The following MMP28 variants were observed in gnomAD, a reference collection of about 807,000 sequenced individuals.
MMP28 encodes the protein matrix metallopeptidase 28.
MMP28 carries 55 observed loss-of-function variants against 60.5 expected under a neutral mutation model. That is an observed-to-expected ratio of 0.91 (90% CI 0.73 to 1.14). The LOEUF (loss-of-function observed/expected upper bound fraction) is 1.14, where lower values mean the gene tolerates loss of function less well. MMP28 is among the 50% of genes most tolerant of loss of function. The pLI is 0.00. For missense variants in MMP28, 686 were observed against 738.3 expected (o/e 0.93, Z 0.82); for synonymous variants, 318 against 312.5 (o/e 1.02, Z -0.18).
chr17:35,761,064 A>T, downstream of MMP28: 1 of 1,174,600 alleles, frequency 8.5e-7, no homozygotes, highest in East Asian at 2.7e-5. Context: ...TTACCCATCC[A>T]TGTAGCTGCA....
At chr17:35,785,669 G>A (rs1040446101) in intron 1 of MMP28, among the ~76,000 whole-genome samples, 4 of 152,158 alleles carry the variant, frequency 2.6e-5, no homozygotes, top group East Asian at 1.9e-4. Flanking sequence ...GCATGGTCTC[G>A]ATCTCTTGAC....
chr17:35,775,223 G>T (rs1349215793), intron 3 of MMP28, among the ~76,000 whole-genome samples: 1 of 152,212 alleles, frequency 6.6e-6, no homozygotes, highest in East Asian at 1.9e-4. Flanking sequence ...GAGGACCAGG[G>T]GAGGGGGTGT....
Position 35,781,979 on chromosome 17 carries a change from C to G in MMP28, c.112-2656G>C, listed in dbSNP as rs561574341. ...CTCAAACTCCTGGACTCAGGTGACC[C>G]TCCTATAGCCTCTTGAATAGCTAGG... is the stretch of plus-strand genomic sequence containing the variant. On this transcript the variant is annotated intron_variant, in intron 1 of 7. Coordinates refer to ENST00000605424, the MANE Select transcript of MMP28 (RefSeq NM_024302.5). 3.9e-5 allele frequency among the ~76,000 whole-genome samples: 6 copies of G among 152,066 alleles called. No homozygotes were observed. In the East Asian group the frequency reaches 1.2e-3, roughly 29 times the overall value.
rs1555606417 is a variant in MMP28, at chr17:35,773,259, G to C, written c.525C>G (p.Ala175=). Reference sequence around the variant, plus strand: ...TGAGCCGGATGTCAGCGGGGCCTGTGGCTGGGGCCTCCCAGAACTCCAGCG... The same window carrying C: ...TGAGCCGGATGTCAGCGGGGCCTGTCGCTGGGGCCTCCCAGAACTCCAGCG... The part of the protein sequence containing the change: ...VSALEFWEAP[A]TGPADIRLTF... Residue 175 remains alanine, a synonymous_variant, in exon 4 of 8, where the codon GCC becomes GCG. Coordinates refer to ENST00000605424, the MANE Select transcript of MMP28 (RefSeq NM_024302.5). The C allele has an allele frequency of 6.2e-7, 1 of 1,614,040 alleles. No individual in the cohort carries two copies. Among genetic ancestry groups the C allele is most frequent in the Admixed American group, 1.7e-5 (1 of 60,030 alleles).
chr17:35,770,447 C>A (rs1555605213), intron 4 of MMP28, 135 bp from the exon 5 acceptor site: 15 of 1,200,020 alleles, frequency 1.2e-5, no homozygotes, highest in Non-Finnish European at 1.7e-5. Context: ...TCTGGCAGAA[C>A]CTGAAGTGTG....
At position 35,780,655 on chromosome 17, in the gene MMP28, C is replaced by T. The variant is rs958322458; in HGVS notation, c.112-1332G>A. On this transcript the variant is annotated intron_variant, in intron 1 of 7. Transcript: ENST00000605424. ...TTCGAGACCAGCCTGGCCAACATGG[C>T]GAAACCTCATCTCTACTAAAAACAC... 7.2e-5 allele frequency among the ~76,000 whole-genome samples: 11 copies of T among 151,760 alleles called. No homozygotes were observed. The East Asian group carries it at 1.2e-3, about 16-fold the overall frequency.
chr17:35,765,767 C>G (rs1312306210), downstream of MMP28: 4 of 834,442 alleles, frequency 4.8e-6, no homozygotes, highest in Admixed American at 2.5e-4. Context: ...GCTGCCTAGC[C>G]CTGGCTTGGA....
chr17:35,781,020 G>A (rs2143467565), intron 1 of MMP28, among the ~76,000 whole-genome samples: 1 of 152,294 alleles, frequency 6.6e-6, no homozygotes, highest in South Asian at 2.1e-4. Context: ...ATGCAATGAG[G>A]TGGGAAAGGG....
intron 1 of MMP28, among the ~76,000 whole-genome samples, chr17:35,784,762 G>T (rs758076213): frequency 1.3e-5 from 2 of 152,132 alleles, no homozygotes; most frequent in Non-Finnish European, 2.9e-5. Context: ...CTGGGGGCTT[G>T]TTCAATGGTT....
intron 6 of MMP28, 78 bp from the exon 7 acceptor site, chr17:35,767,997 G>T: frequency 6.7e-7 from 1 of 1,481,770 alleles, no homozygotes; most frequent in Non-Finnish European, 9.1e-7. Context: ...TGTCCTGGAA[G>T]CCAGTTTCCC....
chr17:35,786,580 A>G (rs1180342806), intron 1 of MMP28, among the ~76,000 whole-genome samples: 1 of 152,002 alleles, frequency 6.6e-6, no homozygotes, highest in Non-Finnish European at 1.5e-5. Context: ...GTCAAGATGC[A>G]AAGGATGGCA....
rs990973592 is a variant in MMP28, at chr17:35,795,408, G to T, written c.-31C>A. 7.3e-7 allele frequency: 1 copy of T among 1,373,074 alleles called. No homozygotes were observed. Among genetic ancestry groups the T allele is most frequent in the Non-Finnish European group, 9.4e-7 (1 of 1,065,206 alleles). The allele number at this position is 1,373,074 out of a possible 1,614,324, so 85.1% of individuals were successfully genotyped here. A position where few individuals can be genotyped will look rare whatever the true frequency, so the allele number is the denominator to read the frequency against. On this transcript the variant is annotated 5_prime_UTR_variant, in exon 1 of 8. Transcript: ENST00000605424. ...CGCCTCCGGTGCAGCCCGGCTCGGGGAGCTACTGCGCGCAGGGAACCAGCC... is the reference window on the plus strand; with the variant it reads ...CGCCTCCGGTGCAGCCCGGCTCGGGTAGCTACTGCGCGCAGGGAACCAGCC...
At chr17:35,761,140 A>G (rs1194456614), downstream of MMP28, among the ~76,000 whole-genome samples, 11 of 128,192 alleles carry the variant, frequency 8.6e-5, no homozygotes, top group Admixed American at 8.1e-4. Context: ...GTCTTGCTCT[A>G]TCACCCAGAC....
intron 1 of MMP28, among the ~76,000 whole-genome samples, chr17:35,787,703 G>T (rs1027129414): frequency 2.0e-5 from 3 of 152,048 alleles, no homozygotes; most frequent in African/African-American, 7.2e-5. Flanking sequence ...TGGCCAGGCT[G>T]GTCTCAAACT....
At chr17:35,763,768 G>T (rs1555601980), downstream of MMP28, among the ~76,000 whole-genome samples, 1 of 151,822 alleles carries the variant, frequency 6.6e-6, no homozygotes, top group African/African-American at 2.4e-5. Context: ...GCAGCGGGGC[G>T]TGCCTGTAGT....
rs560605503 is a variant in MMP28 at position 35,773,377 on chromosome 17, G to T, written c.407C>A (p.Ser136Tyr). The T allele has an allele frequency of 8.7e-6, 14 of 1,606,744 alleles. No homozygotes were observed. The highest frequency in any genetic ancestry group is 1.2e-5 in the Non-Finnish European group (14 of 1,176,624). ...QGNKWYKQHL[S>Y]YRLVNWPEHL... ...CTCAGGCCAGTTCACCAGGCGGTAG[G>T]AGAGGTGCTGCTTGTACCATTTGTT... The change falls in exon 4 of 8, where the codon TCC (serine) becomes TAC (tyrosine). Residue 136 changes from serine (S) to tyrosine (Y), a missense_variant. By Grantham distance (144) the Ser-to-Tyr change is moderately radical. Transcript: ENST00000605424.
chr17:35,765,262 C>A (rs1453409182), downstream of MMP28, among the ~76,000 whole-genome samples: 3 of 152,232 alleles, frequency 2.0e-5, no homozygotes, highest in Admixed American at 6.5e-5. Context: ...GCAGGGCCAA[C>A]AATGGCCCTG....
At chr17:35,773,526 A>C in intron 3 of MMP28, 122 bp from the exon 4 acceptor site, 1 of 897,770 alleles carries the variant, frequency 1.1e-6, no homozygotes, top group Non-Finnish European at 1.7e-6. Context: ...GACGGGGAAG[A>C]CACAGTTTTT....
At chr17:35,772,845 T>G (rs890261484) in intron 4 of MMP28, among the ~76,000 whole-genome samples, 3 of 152,074 alleles carry the variant, frequency 2.0e-5, no homozygotes, top group African/African-American at 7.2e-5. Flanking sequence ...GGAGTGAACA[T>G]CCACTCTGGA....
Sources: gnomAD v4.1 joint callset for allele counts (sites outside exome capture counted in the v4.1 genomes callset) on GRCh38, gnomAD v4.1.1 for gene constraint, MANE v1.5 for transcripts, NCBI Gene and HGNC (gene_info 2026-07-23, HGNC 2026-07-21) for gene names.